Variants in HIVEP3 observed in about 807,000 individuals in gnomAD.
HIVEP3 encodes the protein transcription factor HIVEP3.
HIVEP3 carries 49 observed loss-of-function variants against 152.8 expected under a neutral mutation model. The observed-to-expected ratio is 0.32, with a 90% CI of 0.26 to 0.41. HIVEP3 has a LOEUF of 0.41. Ranked by LOEUF, HIVEP3 falls within the 10% of genes least tolerant of loss-of-function variation. The probability of loss-of-function intolerance (pLI) is 1.00; values close to 1 mark genes in which losing one functional copy is unlikely to be tolerated. For missense variants in HIVEP3, 2,790 were observed against 3,103.3 expected, an observed-to-expected ratio of 0.90 and a Z score of 2.40; for synonymous variants, 1,269 against 1,289.0, an observed-to-expected ratio of 0.98 and a Z score of 0.33.
chr1:41,978,585 C>T (rs913794863), intron 1 of HIVEP3, among the ~76,000 whole-genome samples: 2 of 152,276 alleles, frequency 1.3e-5, no homozygotes, highest in Admixed American at 6.5e-5. Flanking sequence ...AATGGATTTC[C>T]GTTGTTTAAG....
rs1363487122 is a variant in HIVEP3, at chr1:41,528,392, G to A, written c.5208-3482C>T. Reference sequence around the variant, plus strand: ...ACACTCACCTTCACACAGTCCACACGCCCACCCTCACCTTCACACACCCTT... The same window carrying A: ...ACACTCACCTTCACACAGTCCACACACCCACCCTCACCTTCACACACCCTT... On this transcript the variant is annotated intron_variant, in intron 5 of 8. Coordinates refer to ENST00000372583, the MANE Select transcript of HIVEP3 (RefSeq NM_024503.5). 8.4e-5 allele frequency among the ~76,000 whole-genome samples: 3 copies of A among 35,752 alleles called. No individual in the cohort carries two copies. In the Admixed American group the frequency reaches 9.9e-4, roughly 12 times the overall value. The allele number at this position is 35,752 out of a possible 152,430, so 23.5% of individuals were successfully genotyped here.
intron 1 of HIVEP3, among the ~76,000 whole-genome samples, chr1:41,996,523 T>C (rs571443229): frequency 2.1e-3 from 322 of 152,222 alleles, no homozygotes; most frequent in Admixed American, 3.3e-3. Flanking sequence ...GGGGCTCCTT[T>C]GAGCAGCTGA....
intron 3 of HIVEP3, among the ~76,000 whole-genome samples, chr1:41,613,983 T>C (rs1027212766): frequency 6.6e-6 from 1 of 152,242 alleles, no homozygotes; most frequent in African/African-American, 2.4e-5. Flanking sequence ...AAAATATCAG[T>C]GTTTCCTGGT....
At chr1:41,811,316 C>T (rs547429754) in intron 1 of HIVEP3, among the ~76,000 whole-genome samples, 2 of 151,452 alleles carry the variant, frequency 1.3e-5, no homozygotes, top group South Asian at 4.2e-4. Flanking sequence ...GTGCTAGTCT[C>T]CTGCTCATAA....
Position 41,658,412 on chromosome 1 carries a change from C to A in HIVEP3, c.-720-29465G>T, listed in dbSNP as rs1645660352. Among the ~76,000 whole-genome samples the A allele has an allele frequency of 3.3e-5, 5 of 152,200 alleles. No individual in the cohort carries two copies. In the South Asian group the frequency reaches 1.0e-3, roughly 31 times the overall value. ...CAACCTAATAGTTATTAAAAGCCCA[C>A]TATGGACCCAGAGTCCTGGGCTGGG... On this transcript the variant is annotated intron_variant, in intron 2 of 8. Coordinates refer to ENST00000372583, the MANE Select transcript of HIVEP3 (RefSeq NM_024503.5).
chr1:41,610,181 C>T (rs1239234638), intron 3 of HIVEP3, among the ~76,000 whole-genome samples: 1 of 152,130 alleles, frequency 6.6e-6, no homozygotes, highest in Admixed American at 6.5e-5. Context: ...ACACACACAC[C>T]ACACACATAC....
intron 1 of HIVEP3, among the ~76,000 whole-genome samples, chr1:41,961,654 C>A (rs114872386): frequency 6.6e-6 from 1 of 152,244 alleles, no homozygotes; most frequent in African/African-American, 2.4e-5. Context: ...CATAACTGTA[C>A]ACTACTGCAA....
chr1:41,685,278 G>A (rs1646097998), intron 2 of HIVEP3, among the ~76,000 whole-genome samples: 2 of 152,220 alleles, frequency 1.3e-5, no homozygotes, highest in South Asian at 4.1e-4. Flanking sequence ...AGATCCAGGA[G>A]GACCAGGGCC....
At chr1:41,545,897 C>T (rs996412234) in intron 5 of HIVEP3, among the ~76,000 whole-genome samples, 1 of 152,200 alleles carries the variant, frequency 6.6e-6, no homozygotes, top group Non-Finnish European at 1.5e-5. Context: ...CAGGGTCTCA[C>T]CAGAGCCTTG....
At chr1:41,703,642 T>C (rs1291006574) in intron 1 of HIVEP3, among the ~76,000 whole-genome samples, 2 of 152,250 alleles carry the variant, frequency 1.3e-5, no homozygotes, top group Non-Finnish European at 2.9e-5. Context: ...ATTTGTATTA[T>C]TATTTGTGAC....
chr1:41,992,278 G>C (rs940434891), intron 1 of HIVEP3, among the ~76,000 whole-genome samples: 1 of 152,092 alleles, frequency 6.6e-6, no homozygotes, highest in Non-Finnish European at 1.5e-5. Context: ...ATCTCCTTAA[G>C]CGATAAGCAA....
chr1:41,841,729 A>G (rs1643295484), intron 1 of HIVEP3, among the ~76,000 whole-genome samples: 1 of 152,138 alleles, frequency 6.6e-6, no homozygotes, highest in Non-Finnish European at 1.5e-5. Flanking sequence ...CTCCAGAGGG[A>G]GTGTTCTTCT....
chr1:42,027,413 C>A (rs914804877), intron 1 of HIVEP3, among the ~76,000 whole-genome samples: 1 of 152,184 alleles, frequency 6.6e-6, no homozygotes, highest in African/African-American at 2.4e-5. Flanking sequence ...AAGACAGAAG[C>A]TAGATCATGT....
chr1:41,581,261 G>A lies in HIVEP3; in HGVS notation c.3537C>T (p.Pro1179=). Residue 1179 remains proline (P), a synonymous_variant, in exon 4 of 9, where the codon CCC becomes CCT. Coordinates refer to ENST00000372583, the MANE Select transcript of HIVEP3 (RefSeq NM_024503.5). The surrounding 1 kb of genome is among the most constrained non-coding windows in gnomAD (Gnocchi z 4.5). ...CTTGAAATAAGGAGGGAGGAAGTGG[G>A]GGCATGGAGTATGGTGAGGACAGGA... ...SSLLSSPYSM[P]PLPPSLFQAP... is the part of the protein sequence containing the mutation. The A allele has an allele frequency of 1.3e-6, 2 of 1,597,818 alleles. No homozygotes were observed. Among genetic ancestry groups the A allele is most frequent in the Non-Finnish European group, 1.7e-6 (2 of 1,172,562 alleles).
intron 3 of HIVEP3, among the ~76,000 whole-genome samples, chr1:41,614,911 G>A (rs533053299): frequency 1.3e-5 from 2 of 152,292 alleles, no homozygotes; most frequent in South Asian, 4.1e-4. Flanking sequence ...GCTGTTTTAA[G>A]TAGGGAGCCC....
At chr1:41,701,855 CCATTCATTCAATATT>C (rs1332173057) in intron 1 of HIVEP3, among the ~76,000 whole-genome samples, 2 of 152,138 alleles carry the variant, frequency 1.3e-5, no homozygotes, top group African/African-American at 4.8e-5. Context: ...CCTTGGGGAT[CCATTCATTCAATATT>C]CATTCATTCA....
intron 1 of HIVEP3, among the ~76,000 whole-genome samples, chr1:41,927,929 C>T (rs1425115413): frequency 7.2e-5 from 11 of 151,890 alleles, no homozygotes; most frequent in Middle Eastern, 3.4e-3. Flanking sequence ...GGCGTGGTGA[C>T]GTGTGCCTAT....
At chr1:41,817,008 G>C (rs1486620743) in intron 1 of HIVEP3, among the ~76,000 whole-genome samples, 1 of 152,172 alleles carries the variant, frequency 6.6e-6, no homozygotes, top group African/African-American at 2.4e-5. Context: ...CATCACACTG[G>C]ATGCATCTGG....
chr1:41,757,389 T>C (rs963545397), intron 1 of HIVEP3, among the ~76,000 whole-genome samples: 4 of 151,886 alleles, frequency 2.6e-5, no homozygotes, highest in African/African-American at 9.7e-5. Flanking sequence ...AGTGCTGGGA[T>C]TACAGGCGTG....
Sources: allele counts gnomAD v4.1 joint callset (sites outside exome capture counted in the v4.1 genomes callset), GRCh38; gene constraint gnomAD v4.1.1; non-coding constraint Gnocchi (gnomAD v3.1); transcripts MANE v1.5; gene names NCBI Gene and HGNC (gene_info 2026-07-23, HGNC 2026-07-21).